The following PRAP1 variants were observed in gnomAD, a reference collection of about 807,000 sequenced individuals.
PRAP1 encodes the protein proline-rich acidic protein 1.
In PRAP1, 12 loss-of-function variants were observed where a neutral mutation model predicts 14.6. The ratio of observed to expected loss-of-function variants is 0.82; its 90% CI spans 0.53 to 1.33. The LOEUF is 1.33. Among genes scored for constraint, PRAP1 ranks in the 40% most tolerant of loss-of-function variants. The pLI, the probability that PRAP1 is intolerant of heterozygous loss-of-function variation, is 0.00. For missense variants in PRAP1, 160 were observed against 193.7 expected, an observed-to-expected ratio of 0.83 and a Z score of 1.03; for synonymous variants, 81 against 80.3, an observed-to-expected ratio of 1.01 and a Z score of -0.04.
In PRAP1 at chr10:133,351,360, A is replaced by G. The variant is rs751092007; in HGVS notation, c.76-21A>G. 5.6e-6 allele frequency: 9 copies of G among 1,605,296 alleles called. No individual in the cohort carries two copies. The Admixed American group carries it at 1.3e-4, about 24-fold the overall frequency. On this transcript the variant is annotated intron_variant, in intron 2 of 4. Coordinates refer to ENST00000433452, the MANE Select transcript of PRAP1 (RefSeq NM_145202.5). This position sits in a 1 kb window ranked among gnomAD's most constrained non-coding sequence, Gnocchi z 4.3. ...ACCCGCGTGGACTGTGGCCCAGCCC[A>G]CACCTGTGACTCTCCCCCAGGTCCC...
At position 133,352,599 on chromosome 10, in the gene PRAP1, G is replaced by A. The variant is rs1589868778; in HGVS notation, c.*159G>A. 5 of 619,082 alleles carry A rather than the reference G, an allele frequency of 8.1e-6. No individual in the cohort carries two copies. Among genetic ancestry groups the A allele is most frequent in the East Asian group, 2.8e-5 (1 of 35,318 alleles). The allele number at this position is 619,082 out of a possible 1,614,324, so 38.3% of individuals were successfully genotyped here. ...AGCACTTTTAGAGGCCGAGGCAGGC[G>A]GATCACCTGAAATCAGGAGTTCCAG... On this transcript the variant is annotated 3_prime_UTR_variant, in exon 5 of 5. Coordinates refer to ENST00000433452, the MANE Select transcript of PRAP1 (RefSeq NM_145202.5).
chr10:133,351,708 T>G lies in PRAP1; in HGVS notation c.128+275T>G, dbSNP rs539959667. ...AGGGCAGCTTGTGCTCCACGGCTGG[T>G]GGCTGTAGCTGGGGCGGCTCAGTCT... is the stretch of plus-strand genomic sequence containing the variant. On this transcript the variant is annotated intron_variant, in intron 3 of 4. Coordinates refer to ENST00000433452, the MANE Select transcript of PRAP1 (RefSeq NM_145202.5). This position sits in a 1 kb window ranked among gnomAD's most constrained non-coding sequence, Gnocchi z 4.3. 7.9e-5 allele frequency among the ~76,000 whole-genome samples: 12 copies of G among 152,312 alleles called. No individual in the cohort carries two copies. The highest frequency in any genetic ancestry group is 2.9e-4 in the African/African-American group (12 of 41,572).
At chr10:133,352,168 C>A in intron 4 of PRAP1, 28 bp downstream of exon 4, 1 of 1,612,408 alleles carries the variant, frequency 6.2e-7, no homozygotes, top group East Asian at 2.2e-5. Flanking sequence ...GCAGCAGAGT[C>A]CGCTCGTGGG....
chr10:133,350,041 G>A, intron 1 of PRAP1, 54 bp from the exon 2 acceptor site: 1 of 1,553,702 alleles, frequency 6.4e-7, no homozygotes, highest in Non-Finnish European at 8.8e-7. Flanking sequence ...GCTGCCTGGA[G>A]TTCAGGGCGT....
chr10:133,351,202 A>G lies in PRAP1; in HGVS notation c.76-179A>G, dbSNP rs1168803182. 6.6e-6 allele frequency among the ~76,000 whole-genome samples: 1 copy of G among 152,054 alleles called. No individual in the cohort carries two copies. Among genetic ancestry groups the G allele is most frequent in the Non-Finnish European group, 1.5e-5 (1 of 68,018 alleles). ...ACCTCAATCCCGGCTTGCAATCCCA[A>G]CACCCGAGAGTGGCTTGCCCACTAG... On this transcript the variant is annotated intron_variant, in intron 2 of 4. Transcript: ENST00000433452. This position sits in a 1 kb window ranked among gnomAD's most constrained non-coding sequence, Gnocchi z 4.3.
At chr10:133,352,181 T>G (rs2133407577) in intron 4 of PRAP1, 41 bp downstream of exon 4, 1 of 1,611,810 alleles carries the variant, frequency 6.2e-7, no homozygotes, top group Non-Finnish European at 8.5e-7. Context: ...CTCGTGGGGT[T>G]GACTTGGACA....
chr10:133,352,387 C>T lies in PRAP1; in HGVS notation c.403C>T (p.Gln135Ter), dbSNP rs895417897. The T allele has an allele frequency of 1.2e-6, 2 of 1,613,006 alleles. No homozygotes were observed. Among genetic ancestry groups the T allele is most frequent in the Non-Finnish European group, 8.5e-7 (1 of 1,179,974 alleles). Residue 135 changes from glutamine to a stop codon, truncating the protein, a stop_gained, in exon 5 of 5, where the codon CAG (glutamine) becomes TAG (stop). Transcript: ENST00000433452. LOFTEE classifies it high-confidence loss of function. ...RPRLWVMPNH[Q>*]VLLGPEEDQD... ...CCGGTTGTGGGTGATGCCAAATCAC[C>T]AGGTGCTCCTGGGACCGGAGGAAGA...
rs201330918 is a variant in PRAP1, at chr10:133,347,407, G to A, written c.-11G>A. ...CCCTGAGCACTCTCTACAGAGACGC[G>A]GACCCCAGACATGAGGAGGTAATGC... On this transcript the variant is annotated 5_prime_UTR_variant, in exon 1 of 5. Coordinates refer to ENST00000433452, the MANE Select transcript of PRAP1 (RefSeq NM_145202.5). This position sits in a 1 kb window ranked among gnomAD's most constrained non-coding sequence, Gnocchi z 5.0. 7.9e-5 allele frequency: 127 copies of A among 1,612,950 alleles called. No homozygotes were observed. In the African/African-American group the frequency reaches 1.1e-3, roughly 14 times the overall value.
At position 133,347,920 on chromosome 10, in the gene PRAP1, T is replaced by C. The variant is rs1436003387; in HGVS notation, c.8+495T>C. ...TCCCCCTCCTTGTGTGGGGGACCCCTCTCCCCGCTCCTGTGGAGGTGCCCT... is the reference window on the plus strand; with the variant it reads ...TCCCCCTCCTTGTGTGGGGGACCCCCCTCCCCGCTCCTGTGGAGGTGCCCT... On this transcript the variant is annotated intron_variant, in intron 1 of 4. Coordinates refer to ENST00000433452, the MANE Select transcript of PRAP1 (RefSeq NM_145202.5). This position sits in a 1 kb window ranked among gnomAD's most constrained non-coding sequence, Gnocchi z 5.0. Among the ~76,000 whole-genome samples the C allele has an allele frequency of 6.6e-6, 1 of 152,074 alleles. No individual in the cohort carries two copies. The highest frequency in any genetic ancestry group is 1.5e-5 in the Non-Finnish European group (1 of 67,982).
rs4369319 is a variant in PRAP1 at position 133,352,286 on chromosome 10, A to G, written c.302A>G (p.His101Arg). 1 allele frequency: 1,610,404 copies of G among 1,613,040 alleles called. 803,930 individuals are homozygous for G. The highest frequency in any genetic ancestry group is 1 in the Non-Finnish European group (1,179,956 of 1,179,990). Residue 101 changes from histidine (H) to arginine (R), a missense_variant, in exon 5 of 5, where the codon CAT becomes CGT. By Grantham distance (29) the His-to-Arg change is conservative (BLOSUM62 0). Transcript: ENST00000433452. ...ATGGAGACCGAGGACACCCTGGGCC[A>G]TGTCCTGAGTCCCGAGCCCGACCAT... ...AWMETEDTLG[H>R]VLSPEPDHDS...
chr10:133,347,488 G>C lies in PRAP1; in HGVS notation c.8+63G>C. 6.5e-7 allele frequency: 1 copy of C among 1,531,948 alleles called. No individual in the cohort carries two copies. Among genetic ancestry groups the C allele is most frequent in the Non-Finnish European group, 8.9e-7 (1 of 1,124,958 alleles). 94.9% of individuals were successfully genotyped at this position (1,531,948 alleles called of 1,614,324 possible). ...CCCAAACCTGGAGGCCTGGCCCTTA[G>C]CCAGAGGGGGCCCAGCTGTGCTGCG... is the stretch of plus-strand genomic sequence containing the variant. On this transcript the variant is annotated intron_variant, in intron 1 of 4. Coordinates refer to ENST00000433452, the MANE Select transcript of PRAP1 (RefSeq NM_145202.5). This position sits in a 1 kb window ranked among gnomAD's most constrained non-coding sequence, Gnocchi z 5.0.
intron 1 of PRAP1, 50 bp from the exon 2 acceptor site, chr10:133,350,045 A>G (rs1564794219): frequency 1.3e-6 from 2 of 1,565,408 alleles, no homozygotes; most frequent in Non-Finnish European, 1.7e-6. Flanking sequence ...CCTGGAGTTC[A>G]GGGCGTCCCC....
chr10:133,351,501 T>G lies in PRAP1; in HGVS notation c.128+68T>G. 1 of 1,254,724 alleles carries G rather than the reference T, an allele frequency of 8.0e-7. No homozygotes were observed. 77.7% of individuals were successfully genotyped at this position (1,254,724 alleles called of 1,614,324 possible). On this transcript the variant is annotated intron_variant, in intron 3 of 4. Transcript: ENST00000433452. This position sits in a 1 kb window ranked among gnomAD's most constrained non-coding sequence, Gnocchi z 4.3. ...AGCTACAGCCCGTTCTGCTGGGCCC[T>G]TCCTGAACCTGGAGAGCACGGGGCA...
chr10:133,352,121 C>A lies in PRAP1; in HGVS notation c.243C>A (p.Gly81=), dbSNP rs1287180982. The change falls in exon 4 of 5, where the codon GGC becomes GGA. Residue 81 remains glycine, a synonymous_variant. Transcript: ENST00000433452. ...CCGAGGAGAAGCCACGAGGTCAGGG[C>A]AGGGGCCCCATCCTTCCAGGTGGGC... ...LTTEEKPRGQ[G]RGPILPGTKA... is the part of the protein sequence containing the mutation. The A allele has an allele frequency of 6.2e-7, 1 of 1,613,090 alleles. No homozygotes were observed. The highest frequency in any genetic ancestry group is 2.2e-5 in the East Asian group (1 of 44,868).
At chr10:133,349,660 T>C (rs1848646199) in intron 1 of PRAP1, among the ~76,000 whole-genome samples, 1 of 152,268 alleles carries the variant, frequency 6.6e-6, no homozygotes, top group African/African-American at 2.4e-5. Context: ...TGCAGCAGCG[T>C]GCAGCCTCAG....
intron 1 of PRAP1, among the ~76,000 whole-genome samples, chr10:133,349,395 G>C (rs4838725): frequency 0.93 from 141,781 of 152,142 alleles, 66,796 homozygotes; most frequent in Non-Finnish European, 1. Flanking sequence ...ACCACACACT[G>C]AAGCACACAG....
At position 133,348,548 on chromosome 10, in the gene PRAP1, C is replaced by T. The variant is rs527464580; in HGVS notation, c.8+1123C>T. 7.3e-5 allele frequency among the ~76,000 whole-genome samples: 11 copies of T among 151,492 alleles called. 1 individual carries two copies. The East Asian group carries it at 1.9e-3, about 27-fold the overall frequency. On this transcript the variant is annotated intron_variant, in intron 1 of 4. Transcript: ENST00000433452. Reference sequence around the variant, plus strand: ...TTTGAGACAGAGTGTCTCGCTCTGTCGCCCAGGCTGGAGGGACTGCAGTGG... The same window carrying T: ...TTTGAGACAGAGTGTCTCGCTCTGTTGCCCAGGCTGGAGGGACTGCAGTGG...
chr10:133,350,056 T>C, intron 1 of PRAP1, 39 bp from the exon 2 acceptor site: 1 of 1,598,036 alleles, frequency 6.3e-7, no homozygotes, highest in Admixed American at 1.7e-5. Context: ...GGGCGTCCCC[T>C]TCCCCTACCT....
At chr10:133,348,457 C>T (rs1207029786) in intron 1 of PRAP1, among the ~76,000 whole-genome samples, 1 of 152,130 alleles carries the variant, frequency 6.6e-6, no homozygotes, top group East Asian at 1.9e-4. Flanking sequence ...ATTCTTCTGC[C>T]TCAGCAGGAG....
Sources: gnomAD v4.1 joint callset for allele counts (sites outside exome capture counted in the v4.1 genomes callset) on GRCh38, gnomAD v4.1.1 for gene constraint, Gnocchi (gnomAD v3.1) non-coding constraint, MANE v1.5 for transcripts, NCBI Gene and HGNC (gene_info 2026-07-23, HGNC 2026-07-21) for gene names.